NFIX: variants seen among roughly 807,000 people sequenced by gnomAD.
NFIX encodes nuclear factor I X, also known as nuclear factor 1 X-type.
A neutral mutation model predicts 53.3 loss-of-function variants in NFIX; 2 were observed. That is an observed-to-expected ratio of 0.04 (90% CI 0.02 to 0.12). NFIX has a LOEUF of 0.12. Among genes scored for constraint, NFIX ranks in the 10% least tolerant of loss-of-function variants. NFIX has a pLI of 1.00. For synonymous variants in NFIX, 244 were observed against 289.0 expected (o/e 0.84, Z 1.58); for missense variants, 310 against 674.5 (o/e 0.46, Z 5.99).
chr19:13,042,974 T>C (rs1289332270), intron 2 of NFIX, among the ~76,000 whole-genome samples: 1 of 152,218 alleles, frequency 6.6e-6, no homozygotes, highest in Non-Finnish European at 1.5e-5. Context: ...ACTCTGTCCC[T>C]GTACCCTGAT....
chr19:13,006,965 G>A lies in NFIX; in HGVS notation c.27+11101G>A, dbSNP rs541585600. On this transcript the variant is annotated intron_variant, in intron 1 of 10. Transcript: ENST00000592199. The surrounding 1 kb of genome is among the most constrained non-coding windows in gnomAD (Gnocchi z 5.6). ...AGGTGGGGGTGGGGAAGTGCTGGGC[G>A]CCTCCAGGCCCCTGCTTGTCCCGTG... is the stretch of plus-strand genomic sequence containing the variant. Among the ~76,000 whole-genome samples, 186 of 152,298 alleles carry A rather than the reference G, an allele frequency of 1.2e-3. 1 individual carries two copies. Among genetic ancestry groups the A allele is most frequent in the African/African-American group, 4.1e-3 (170 of 41,570 alleles).
At position 13,088,192 on chromosome 19, in the gene NFIX, C is replaced by T. The variant is rs898927942; in HGVS notation, c.1402+56C>T. 4.4e-5 allele frequency: 67 copies of T among 1,526,602 alleles called. No homozygotes were observed. The highest frequency in any genetic ancestry group is 5.6e-5 in the Non-Finnish European group (64 of 1,139,988). The allele number at this position is 1,526,602 out of a possible 1,614,324, so 94.6% of individuals were successfully genotyped here. A position where few individuals can be genotyped will look rare whatever the true frequency, so the allele number is the denominator to read the frequency against. On this transcript the variant is annotated intron_variant, in intron 9 of 10. Coordinates refer to ENST00000592199, the MANE Select transcript of NFIX (RefSeq NM_001365902.3). This position sits in a 1 kb window ranked among gnomAD's most constrained non-coding sequence, Gnocchi z 5.9. ...GCCCAGCGTCCCCGGCCCGTCCAAA[C>T]AGTCTCCACTGCAAAAAGAAAAGCC...
At position 13,013,190 on chromosome 19, in the gene NFIX, C is replaced by T. The variant is rs2012467898; in HGVS notation, c.28-11831C>T. Among the ~76,000 whole-genome samples the T allele has an allele frequency of 6.6e-6, 1 of 152,132 alleles. No individual in the cohort carries two copies. The highest frequency in any genetic ancestry group is 1.5e-5 in the Non-Finnish European group (1 of 68,030). On this transcript the variant is annotated intron_variant, in intron 1 of 10. Coordinates refer to ENST00000592199, the MANE Select transcript of NFIX (RefSeq NM_001365902.3). The surrounding 1 kb of genome is among the most constrained non-coding windows in gnomAD (Gnocchi z 5.9). ...GGCCTCCCCACCCGTTGCTACCAGCCCTTTTGCAGCACTTCCTGGGCAGGC... is the reference window on the plus strand; with the variant it reads ...GGCCTCCCCACCCGTTGCTACCAGCTCTTTTGCAGCACTTCCTGGGCAGGC...
At position 12,996,860 on chromosome 19, in the gene NFIX, C is replaced by T. The variant is rs1198137669; in HGVS notation, c.27+996C>T. Among the ~76,000 whole-genome samples, 1 of 152,286 alleles carries T rather than the reference C, an allele frequency of 6.6e-6. No homozygotes were observed. The highest frequency in any genetic ancestry group is 1.5e-5 in the Non-Finnish European group (1 of 68,054). ...CGGCGCACGGCTGCGGCAAAAGCTT[C>T]GAGGATGCCTGTCGGGCCACCCAAC... On this transcript the variant is annotated intron_variant, in intron 1 of 10. Transcript: ENST00000592199. The surrounding 1 kb of genome is among the most constrained non-coding windows in gnomAD (Gnocchi z 5.2).
At position 12,996,922 on chromosome 19, in the gene NFIX, C is replaced by G. The variant is rs1412155032; in HGVS notation, c.27+1058C>G. Among the ~76,000 whole-genome samples, 1 of 152,270 alleles carries G rather than the reference C, an allele frequency of 6.6e-6. No homozygotes were observed. The highest frequency in any genetic ancestry group is 1.9e-4 in the East Asian group (1 of 5,194). Reference sequence around the variant, plus strand: ...TGTGGCCTGAGGCTCTAAGAGGGCACAGAAGCTGCCCAGAGTCCCACAGTG... The same window carrying G: ...TGTGGCCTGAGGCTCTAAGAGGGCAGAGAAGCTGCCCAGAGTCCCACAGTG... On this transcript the variant is annotated intron_variant, in intron 1 of 10. Coordinates refer to ENST00000592199, the MANE Select transcript of NFIX (RefSeq NM_001365902.3). This position sits in a 1 kb window ranked among gnomAD's most constrained non-coding sequence, Gnocchi z 5.2.
intron 8 of NFIX, 155 bp downstream of exon 8, chr19:13,082,010 G>T (rs2017500041): frequency 1.3e-6 from 1 of 797,634 alleles, no homozygotes; most frequent in Admixed American, 2.6e-5. Flanking sequence ...GATTTTCTGG[G>T]TCTGGGGACG....
rs1322848811 is a variant in NFIX at position 13,068,835 on chromosome 19, G to A, written c.560-4212G>A. 6.6e-6 allele frequency among the ~76,000 whole-genome samples: 1 copy of A among 152,236 alleles called. No individual in the cohort carries two copies. Among genetic ancestry groups the A allele is most frequent in the Non-Finnish European group, 1.5e-5 (1 of 68,046 alleles). Reference sequence around the variant, plus strand: ...ATCTCACGAGTAGCCCAGGTCCCCAGAGAAGGACAGCCCGCAGAGCTGCGT... The same window carrying A: ...ATCTCACGAGTAGCCCAGGTCCCCAAAGAAGGACAGCCCGCAGAGCTGCGT... On this transcript the variant is annotated intron_variant, in intron 2 of 10. Transcript: ENST00000592199. This position sits in a 1 kb window ranked among gnomAD's most constrained non-coding sequence, Gnocchi z 4.2.
Position 13,001,965 on chromosome 19 carries a change from C to T in NFIX, c.27+6101C>T, listed in dbSNP as rs373650466. On this transcript the variant is annotated intron_variant, in intron 1 of 10. Transcript: ENST00000592199. This position sits in a 1 kb window ranked among gnomAD's most constrained non-coding sequence, Gnocchi z 6.5. ...GCGAGGTGCGGGCGTGTGTTCGGGCCGCCCACAGGCCTCCCTCTGTCTGCC... is the reference window on the plus strand; with the variant it reads ...GCGAGGTGCGGGCGTGTGTTCGGGCTGCCCACAGGCCTCCCTCTGTCTGCC... Among the ~76,000 whole-genome samples, 18 of 152,280 alleles carry T rather than the reference C, an allele frequency of 1.2e-4. No homozygotes were observed. The East Asian group carries it at 1.6e-3, about 13-fold the overall frequency.
chr19:13,072,716 A>C lies in NFIX; in HGVS notation c.560-331A>C, dbSNP rs546211174. The stretch of plus-strand genomic sequence containing the variant: ...TCTTGGGACAGTTTGGGTTGTCACA[A>C]CTGGGGTGCTACTGTCATCTAGTGG... On this transcript the variant is annotated intron_variant, in intron 2 of 10. Transcript: ENST00000592199. The surrounding 1 kb of genome is among the most constrained non-coding windows in gnomAD (Gnocchi z 4.0). Among the ~76,000 whole-genome samples the C allele has an allele frequency of 1.3e-5, 2 of 152,176 alleles. No individual in the cohort carries two copies.
intron 2 of NFIX, among the ~76,000 whole-genome samples, chr19:13,047,868 GC>G (rs2015088406): frequency 6.6e-6 from 1 of 152,152 alleles, no homozygotes; most frequent in African/African-American, 2.4e-5. Context: ...CAGCATTCCG[GC>G]CCGGTTAATT....
chr19:13,007,962 G>A (rs1373426804), intron 1 of NFIX, among the ~76,000 whole-genome samples: 1 of 152,140 alleles, frequency 6.6e-6, no homozygotes, highest in Non-Finnish European at 1.5e-5. Context: ...ATAGGCCTGT[G>A]CCTACAGAGA....
chr19:13,086,322 G>C (rs539902863), intron 8 of NFIX, among the ~76,000 whole-genome samples: 7 of 152,312 alleles, frequency 4.6e-5, no homozygotes, highest in South Asian at 2.1e-4. Context: ...ATGTGGATTT[G>C]GGGGAGAGGA....
Position 13,081,327 on chromosome 19 carries a change from T to A in NFIX, c.1079-353T>A, listed in dbSNP as rs897377221. On this transcript the variant is annotated intron_variant, in intron 7 of 10. Transcript: ENST00000592199. This position sits in a 1 kb window ranked among gnomAD's most constrained non-coding sequence, Gnocchi z 4.7. ...TCAAATAATAATAATAACACTTTTT[T>A]AAAAAGCCAAATAAAATAAAGACAA... 6.6e-5 allele frequency among the ~76,000 whole-genome samples: 10 copies of A among 152,162 alleles called. No homozygotes were observed. The highest frequency in any genetic ancestry group is 1.9e-4 in the African/African-American group (8 of 41,520).
At position 13,088,166 on chromosome 19, in the gene NFIX, C is replaced by G; in HGVS notation, c.1402+30C>G. The G allele has an allele frequency of 6.5e-7, 1 of 1,535,922 alleles. No individual in the cohort carries two copies. Among genetic ancestry groups the G allele is most frequent in the Non-Finnish European group, 8.7e-7 (1 of 1,146,434 alleles). On this transcript the variant is annotated intron_variant, in intron 9 of 10. Transcript: ENST00000592199. The surrounding 1 kb of genome is among the most constrained non-coding windows in gnomAD (Gnocchi z 5.9). ...GTGGACGATGAAACCGAAACCACAACGCCCAGCGTCCCCGGCCCGTCCAAA... is the reference window on the plus strand; with the variant it reads ...GTGGACGATGAAACCGAAACCACAAGGCCCAGCGTCCCCGGCCCGTCCAAA...
In NFIX at chr19:13,078,892, C is replaced by T. The variant is rs982927828; in HGVS notation, c.1078+157C>T. 1.3e-5 allele frequency among the ~76,000 whole-genome samples: 2 copies of T among 152,338 alleles called. No homozygotes were observed. Among genetic ancestry groups the T allele is most frequent in the Middle Eastern group, 3.4e-3 (1 of 294 alleles). ...GCAGCGGGTGGGCATGGGAGCCGGC[C>T]CCTGCTTCACGTAGCACCTCATCGA... On this transcript the variant is annotated intron_variant, in intron 7 of 10. Coordinates refer to ENST00000592199, the MANE Select transcript of NFIX (RefSeq NM_001365902.3). The surrounding 1 kb of genome is among the most constrained non-coding windows in gnomAD (Gnocchi z 4.7).
At chr19:13,080,205 C>G (rs565561845) in intron 7 of NFIX, among the ~76,000 whole-genome samples, 6 of 149,446 alleles carry the variant, frequency 4.0e-5, no homozygotes, top group Non-Finnish European at 5.9e-5. Flanking sequence ...GTTTTAAAAT[C>G]CAAACTATTG....
Position 13,049,742 on chromosome 19 carries a change from C to T in NFIX, c.560-23305C>T, listed in dbSNP as rs147343957. Reference sequence around the variant, plus strand: ...CTAAGTAGCTGGGACTACAGGCGCCCGCCACCATGCCCAGCTAATTTTTGT... The same window carrying T: ...CTAAGTAGCTGGGACTACAGGCGCCTGCCACCATGCCCAGCTAATTTTTGT... On this transcript the variant is annotated intron_variant, in intron 2 of 10. Transcript: ENST00000592199. This position sits in a 1 kb window ranked among gnomAD's most constrained non-coding sequence, Gnocchi z 4.5. Among the ~76,000 whole-genome samples the T allele has an allele frequency of 0.037, 5,675 of 152,030 alleles. 194 individuals carry two copies. Among genetic ancestry groups the T allele is most frequent in the Middle Eastern group, 0.18 (53 of 292 alleles).
rs995336557 is a variant in NFIX at position 13,040,770 on chromosome 19, GCA to G, written c.559+15227_559+15228del. On this transcript the variant is annotated intron_variant, in intron 2 of 10. Transcript: ENST00000592199. This position sits in a 1 kb window ranked among gnomAD's most constrained non-coding sequence, Gnocchi z 4.2. Reference sequence around the variant, plus strand: ...GGAGGTTTGTCTTTCACACACTCGCGCACACACACAGCCACTTCTCGAAGCAG... The same window carrying G: ...GGAGGTTTGTCTTTCACACACTCGCGCACACACAGCCACTTCTCGAAGCAG... Among the ~76,000 whole-genome samples, 2 of 152,096 alleles carry G rather than the reference GCA, an allele frequency of 1.3e-5. No individual in the cohort carries two copies. The highest frequency in any genetic ancestry group is 2.9e-5 in the Non-Finnish European group (2 of 68,024).
rs534194913 is a variant in NFIX at position 13,088,905 on chromosome 19, A to G, written c.1402+769A>G. 1.9e-4 allele frequency among the ~76,000 whole-genome samples: 29 copies of G among 152,070 alleles called. No homozygotes were observed. Among genetic ancestry groups the G allele is most frequent in the Middle Eastern group, 3.4e-3 (1 of 294 alleles). Reference sequence around the variant, plus strand: ...CAAATTTTGTCAAAGGGAAAAGAAGAAAAATCATTCGAGAGGTCCCAGGTA... The same window carrying G: ...CAAATTTTGTCAAAGGGAAAAGAAGGAAAATCATTCGAGAGGTCCCAGGTA... On this transcript the variant is annotated intron_variant, in intron 9 of 10. Coordinates refer to ENST00000592199, the MANE Select transcript of NFIX (RefSeq NM_001365902.3). The surrounding 1 kb of genome is among the most constrained non-coding windows in gnomAD (Gnocchi z 5.9).
Sources: allele counts gnomAD v4.1 joint callset (sites outside exome capture counted in the v4.1 genomes callset), GRCh38; gene constraint gnomAD v4.1.1; non-coding constraint Gnocchi (gnomAD v3.1); transcripts MANE v1.5; gene names NCBI Gene and HGNC (gene_info 2026-07-23, HGNC 2026-07-21).